The following MIB1 variants were observed in gnomAD, a reference collection of about 807,000 sequenced individuals.
MIB1 encodes MIB E3 ubiquitin protein ligase 1.
A neutral mutation model predicts 124.5 loss-of-function variants in MIB1; 278 were observed. The observed-to-expected ratio is 2.23, with a 90% CI of 2.02 to 2.47. The LOEUF (loss-of-function observed/expected upper bound fraction) is 2.47. Among genes scored for constraint, MIB1 ranks in the 30% most tolerant of loss-of-function variants. The pLI is 0.00. For missense variants in MIB1, 957 were observed against 1,254.4 expected (o/e 0.76, Z 3.58); for synonymous variants, 446 against 429.4 (o/e 1.04, Z -0.48).
chr18:21,799,932 T>C lies in MIB1; in HGVS notation c.1329T>C (p.Asp443=). The C allele has an allele frequency of 6.2e-7, 1 of 1,612,398 alleles. No homozygotes were observed. The highest frequency in any genetic ancestry group is 1.1e-5 in the South Asian group (1 of 90,950). The change falls in exon 9 of 21, where the codon GAT becomes GAC. Residue 443 remains aspartate, a synonymous_variant. Transcript: ENST00000261537. ...TAGTTAAGGCTGCTGCCAATGGAGA[T>C]GTTGCTAAAGTGGAAGATTTGCTTA... ...EELVKAAANG[D]VAKVEDLLKR...
At chr18:21,768,139 C>T (rs2041184683) in intron 2 of MIB1, among the ~76,000 whole-genome samples, 1 of 152,176 alleles carries the variant, frequency 6.6e-6, no homozygotes, top group Admixed American at 6.5e-5. Flanking sequence ...GCTGTCATTA[C>T]TCACCTAGAA....
intron 8 of MIB1, among the ~76,000 whole-genome samples, chr18:21,799,501 G>A (rs1159662064): frequency 1.3e-5 from 2 of 151,888 alleles, no homozygotes; most frequent in African/African-American, 4.8e-5. Flanking sequence ...AAACCTGAAA[G>A]GAAGTTTGTA....
Position 21,802,749 on chromosome 18 carries a change from A to G in MIB1, c.1372-1158A>G, listed in dbSNP as rs181592352. Among the ~76,000 whole-genome samples, 123 of 152,302 alleles carry G rather than the reference A, an allele frequency of 8.1e-4. 1 individual carries two copies. The highest frequency in any genetic ancestry group is 1.3e-3 in the Non-Finnish European group (87 of 68,020). On this transcript the variant is annotated intron_variant, in intron 9 of 20. Transcript: ENST00000261537. ...TCCTTGGTTGTCCATTCATATCTCA[A>G]TAGGACCTTAACAAGCTGATTGATA...
chr18:21,828,647 G>A (rs2041949199), intron 12 of MIB1: 1 of 166,684 alleles, frequency 6.0e-6, no homozygotes, highest in African/African-American at 2.4e-5. Flanking sequence ...CAGAAAATAG[G>A]TCATGTGTAT....
At chr18:21,707,228 A>G (rs1408955359) in intron 1 of MIB1, among the ~76,000 whole-genome samples, 1 of 152,188 alleles carries the variant, frequency 6.6e-6, no homozygotes, top group African/African-American at 2.4e-5. Context: ...CAAGGTTTGT[A>G]AATGCACCAA....
chr18:21,744,840 T>A (rs2040894970), intron 1 of MIB1, among the ~76,000 whole-genome samples: 1 of 152,250 alleles, frequency 6.6e-6, no homozygotes, highest in South Asian at 2.1e-4. Context: ...CAACTGTTGC[T>A]TTTGTACCAG....
rs2041250737 is a variant in MIB1 at position 21,773,861 on chromosome 18, C to T, written c.636+133C>T. On this transcript the variant is annotated intron_variant, in intron 4 of 20. Coordinates refer to ENST00000261537, the MANE Select transcript of MIB1 (RefSeq NM_020774.4). The stretch of plus-strand genomic sequence containing the variant: ...TACGTTTTTACTATGTTTCTCTAAA[C>T]TATTTAATAGTAAATATGATTTGCC... 7.6e-5 allele frequency: 42 copies of T among 555,368 alleles called. No homozygotes were observed. The South Asian group carries it at 1.2e-3, about 16-fold the overall frequency. 34.4% of individuals were successfully genotyped at this position (555,368 alleles called of 1,614,324 possible).
At position 21,741,811 on chromosome 18, in the gene MIB1, C is replaced by G. The variant is rs757518044; in HGVS notation, c.228C>G (p.Thr76=). The change falls in exon 1 of 21, where the codon ACC becomes ACG. Residue 76 remains threonine (T), a splice_region_variant and synonymous_variant. Coordinates refer to ENST00000261537, the MANE Select transcript of MIB1 (RefSeq NM_020774.4). The surrounding 1 kb of genome is among the most constrained non-coding windows in gnomAD (Gnocchi z 5.4). ...YDLRILDSAP[T]GIKHDGTMCD... is the part of the protein sequence containing the mutation. ...TCCGCATCCTGGACAGCGCGCCCAC[C>G]GGTAAGCCGCGGCCACCTGGCCAGG... 1.6e-5 allele frequency: 25 copies of G among 1,591,788 alleles called. No homozygotes were observed. In the Admixed American group the frequency reaches 4.2e-4, roughly 27 times the overall value.
At chr18:21,811,944 A>G (rs1210027538) in intron 10 of MIB1, among the ~76,000 whole-genome samples, 3 of 152,206 alleles carry the variant, frequency 2.0e-5, no homozygotes, top group Non-Finnish European at 4.4e-5. Flanking sequence ...ATTATATTCA[A>G]CACCCATTTT....
intron 1 of MIB1, among the ~76,000 whole-genome samples, chr18:21,713,470 G>A (rs927299711): frequency 2.6e-4 from 40 of 151,802 alleles, no homozygotes; most frequent in Admixed American, 9.2e-4. Flanking sequence ...AAAATTAGCC[G>A]GGCATGGTGG....
At chr18:21,840,761 G>T (rs2042081084) in intron 13 of MIB1, among the ~76,000 whole-genome samples, 2 of 150,476 alleles carry the variant, frequency 1.3e-5, no homozygotes, top group African/African-American at 4.9e-5. Context: ...AGCCTGGGAG[G>T]TTGAGGCTTC....
In MIB1 at chr18:21,741,039, C is replaced by A. The variant is rs2040842991; in HGVS notation, c.-545C>A. On this transcript the variant is annotated 5_prime_UTR_variant, in exon 1 of 21. Coordinates refer to ENST00000261537, the MANE Select transcript of MIB1 (RefSeq NM_020774.4). The surrounding 1 kb of genome is among the most constrained non-coding windows in gnomAD (Gnocchi z 5.4). Reference sequence around the variant, plus strand: ...GGGCAGAGAGAAGGGGGCCTGAGGGCCCGGGCGCTCGCCGGACGCCGGGAG... The same window carrying A: ...GGGCAGAGAGAAGGGGGCCTGAGGGACCGGGCGCTCGCCGGACGCCGGGAG... Among the ~76,000 whole-genome samples, 1 of 151,810 alleles carries A rather than the reference C, an allele frequency of 6.6e-6. No homozygotes were observed. The highest frequency in any genetic ancestry group is 1.5e-5 in the Non-Finnish European group (1 of 67,902).
intron 6 of MIB1, among the ~76,000 whole-genome samples, chr18:21,785,381 G>A (rs925143965): frequency 5.9e-5 from 9 of 151,942 alleles, no homozygotes; most frequent in South Asian, 2.1e-4. Context: ...CTCCGCCCAC[G>A]AAGAAAAAAA....
chr18:21,803,698 A>G, intron 9 of MIB1: 1 of 415,922 alleles, frequency 2.4e-6, no homozygotes, highest in South Asian at 6.1e-5. Context: ...CTCTTTGGAC[A>G]ATGAAACTTT....
intron 7 of MIB1, among the ~76,000 whole-genome samples, chr18:21,792,480 C>G (rs1342120498): frequency 1.3e-5 from 2 of 152,158 alleles, no homozygotes; most frequent in Non-Finnish European, 2.9e-5. Flanking sequence ...TTCCTGTTGT[C>G]CTGACCCTCC....
intron 1 of MIB1, among the ~76,000 whole-genome samples, chr18:21,764,739 C>A (rs1008677657): frequency 2.2e-4 from 32 of 147,770 alleles, no homozygotes; most frequent in Non-Finnish European, 4.2e-4. Context: ...AAAAAAAAAA[C>A]AAAACAAAAC....
At chr18:21,758,584 G>T (rs2041061122) in intron 1 of MIB1, among the ~76,000 whole-genome samples, 1 of 151,926 alleles carries the variant, frequency 6.6e-6, no homozygotes, top group Non-Finnish European at 1.5e-5. Context: ...ACCCAGGCTG[G>T]AGTGCAATGG....
intron 15 of MIB1, among the ~76,000 whole-genome samples, chr18:21,845,246 G>A (rs372408212): frequency 2.0e-4 from 30 of 152,184 alleles, no homozygotes; most frequent in African/African-American, 7.2e-4. Context: ...TCCTGACCTC[G>A]TGATCTGCCT....
intron 1 of MIB1, among the ~76,000 whole-genome samples, chr18:21,705,643 G>T (rs1227051026): frequency 6.6e-6 from 1 of 152,212 alleles, no homozygotes; most frequent in African/African-American, 2.4e-5. Context: ...AGAAGGGAAA[G>T]TGCTGTCTAG....
Sources: allele counts gnomAD v4.1 joint callset (sites outside exome capture counted in the v4.1 genomes callset), GRCh38; gene constraint gnomAD v4.1.1; non-coding constraint Gnocchi (gnomAD v3.1); transcripts MANE v1.5; gene names NCBI Gene and HGNC (gene_info 2026-07-23, HGNC 2026-07-21).